The following FZR1 variants were observed in gnomAD, a reference collection of about 807,000 sequenced individuals.
The protein encoded by FZR1 is fizzy and cell division cycle 20 related 1.
FZR1 carries 11 observed loss-of-function variants against 63.6 expected under a neutral mutation model. The observed-to-expected ratio is 0.17, with a 90% confidence interval of 0.11 to 0.29. FZR1 has a LOEUF of 0.29. Ranked by LOEUF, FZR1 falls within the 10% of genes least tolerant of loss-of-function variation. FZR1 has a pLI of 1.00. For missense variants in FZR1, 440 were observed against 687.5 expected (o/e 0.64, Z 4.03); for synonymous variants, 328 against 297.9 (o/e 1.10, Z -1.04).
At position 3,537,837 on chromosome 19, in the gene FZR1, G is replaced by C. The variant is rs2030044666; in HGVS notation, c.*3001G>C. ...AGCCCAGAGACAGAGAAGCTTATGAGGAAGTGAGGAGGTGGCGTCACAAGG... is the reference window on the plus strand; with the variant it reads ...AGCCCAGAGACAGAGAAGCTTATGACGAAGTGAGGAGGTGGCGTCACAAGG... On this transcript the variant is annotated 3_prime_UTR_variant, in exon 14 of 14. Coordinates refer to ENST00000441788, the MANE Select transcript of FZR1 (RefSeq NM_016263.4). The C allele has an allele frequency of 6.6e-6, 1 of 152,592 alleles. No homozygotes were observed. Among genetic ancestry groups the C allele is most frequent in the Non-Finnish European group, 1.5e-5 (1 of 68,336 alleles). 9.5% of individuals were successfully genotyped at this position (152,592 alleles called of 1,614,324 possible). A position where few individuals can be genotyped will look rare whatever the true frequency, so the allele number is the denominator to read the frequency against.
rs144069005 is a variant in FZR1 at position 3,531,662 on chromosome 19, A to G, written c.721-52A>G. ...GCGCGACCAACGCCAGGACGGGCACAGTCCCCGGGCCAGACCTGACACCGG... is the reference window on the plus strand; with the variant it reads ...GCGCGACCAACGCCAGGACGGGCACGGTCCCCGGGCCAGACCTGACACCGG... On this transcript the variant is annotated intron_variant, in intron 8 of 13. Coordinates refer to ENST00000441788, the MANE Select transcript of FZR1 (RefSeq NM_016263.4). The G allele has an allele frequency of 4.3e-4, 562 of 1,311,890 alleles. 1 individual carries two copies. The African/African-American group carries it at 6.9e-3, about 16-fold the overall frequency. The allele number at this position is 1,311,890 out of a possible 1,614,324, so 81.3% of individuals were successfully genotyped here.
chr19:3,534,285 C>T, intron 12 of FZR1, 136 bp from the exon 13 acceptor site: 1 of 557,096 alleles, frequency 1.8e-6, no homozygotes. Context: ...TGGCCCCAGC[C>T]TGCCCCTCCC....
intron 1 of FZR1, among the ~76,000 whole-genome samples, chr19:3,512,957 G>C (rs1024233279): frequency 5.3e-5 from 8 of 152,198 alleles, no homozygotes; most frequent in Admixed American, 4.6e-4. Flanking sequence ...CCATTTTTTT[G>C]TGGGGGGTCT....
At position 3,535,012 on chromosome 19, in the gene FZR1, T is replaced by G. The variant is rs1415908568; in HGVS notation, c.*176T>G. 6.5e-6 allele frequency: 4 copies of G among 617,450 alleles called. No homozygotes were observed. The highest frequency in any genetic ancestry group is 1.2e-5 in the Non-Finnish European group (4 of 344,230). 38.2% of individuals were successfully genotyped at this position (617,450 alleles called of 1,614,324 possible). A position where few individuals can be genotyped will look rare whatever the true frequency, so the allele number is the denominator to read the frequency against. Reference sequence around the variant, plus strand: ...ATTAAATGCCTGATTGTGAACCATGTCCACCAGTATCTGGGGTGGGCACGT... The same window carrying G: ...ATTAAATGCCTGATTGTGAACCATGGCCACCAGTATCTGGGGTGGGCACGT... On this transcript the variant is annotated 3_prime_UTR_variant, in exon 14 of 14. Transcript: ENST00000441788.
In FZR1 at chr19:3,533,225, G is replaced by GC. The variant is rs1555694426; in HGVS notation, c.1243-69_1243-68insC. 3.7e-5 allele frequency: 35 copies of GC among 951,130 alleles called. No homozygotes were observed. The highest frequency in any genetic ancestry group is 5.3e-5 in the Non-Finnish European group (31 of 586,488). 58.9% of individuals were successfully genotyped at this position (951,130 alleles called of 1,614,324 possible). A position where few individuals can be genotyped will look rare whatever the true frequency, so the allele number is the denominator to read the frequency against. ...CTCACATGGGCTCAGGCGGGTGCAT[G>GC]TGAGGCAGCAGGCATAGCACCCGGC... On this transcript the variant is annotated intron_variant, in intron 11 of 13. Transcript: ENST00000441788. The surrounding 1 kb of genome is among the most constrained non-coding windows in gnomAD (Gnocchi z 4.9).
At chr19:3,507,364 A>C (rs1212960971) in intron 1 of FZR1, among the ~76,000 whole-genome samples, 1 of 146,532 alleles carries the variant, frequency 6.8e-6, no homozygotes, top group Non-Finnish European at 1.5e-5. Flanking sequence ...ACCCCTACTC[A>C]AACCTGTGAC....
At chr19:3,524,530 G>T (rs2083133531) in intron 2 of FZR1, among the ~76,000 whole-genome samples, 1 of 152,240 alleles carries the variant, frequency 6.6e-6, no homozygotes, top group South Asian at 2.1e-4. Context: ...TGCGTCACAG[G>T]CTGGGGGCAG....
chr19:3,525,686 C>T lies in FZR1; in HGVS notation c.70-182C>T, dbSNP rs2083149353. On this transcript the variant is annotated intron_variant, in intron 2 of 13. Coordinates refer to ENST00000441788, the MANE Select transcript of FZR1 (RefSeq NM_016263.4). The surrounding 1 kb of genome is among the most constrained non-coding windows in gnomAD (Gnocchi z 4.2). Reference sequence around the variant, plus strand: ...CTTGATCTCCTGACCTCGTGATCCGCCCGCCTCGGCCTCCCAAAGTGCTGG... The same window carrying T: ...CTTGATCTCCTGACCTCGTGATCCGTCCGCCTCGGCCTCCCAAAGTGCTGG... Among the ~76,000 whole-genome samples the T allele has an allele frequency of 6.6e-6, 1 of 152,128 alleles. No homozygotes were observed. The highest frequency in any genetic ancestry group is 1.9e-4 in the East Asian group (1 of 5,184).
At chr19:3,512,314 A>G (rs1477403806) in intron 1 of FZR1, among the ~76,000 whole-genome samples, 4 of 152,172 alleles carry the variant, frequency 2.6e-5, no homozygotes, top group Non-Finnish European at 5.9e-5. Flanking sequence ...CTCACCAAGC[A>G]TCTTCTCTGG....
chr19:3,511,886 G>A (rs891940579), intron 1 of FZR1, among the ~76,000 whole-genome samples: 8 of 152,272 alleles, frequency 5.3e-5, no homozygotes, highest in South Asian at 2.1e-4. Context: ...GTCAGAGGCC[G>A]CCAGCTCAGC....
chr19:3,506,312 G>C lies in FZR1; in HGVS notation c.-197G>C, dbSNP rs1485970618. 2.0e-5 allele frequency: 3 copies of C among 150,318 alleles called. No individual in the cohort carries two copies. The highest frequency in any genetic ancestry group is 3.0e-5 in the Non-Finnish European group (2 of 67,446). 9.3% of individuals were successfully genotyped at this position (150,318 alleles called of 1,614,324 possible). A position where few individuals can be genotyped will look rare whatever the true frequency, so the allele number is the denominator to read the frequency against. On this transcript the variant is annotated 5_prime_UTR_variant, in exon 1 of 14. Coordinates refer to ENST00000441788, the MANE Select transcript of FZR1 (RefSeq NM_016263.4). ...GGCGGAGGGAGGGAGCCGGGAGGCA[G>C]CGGAGGAGCGACCGCCGCCATATTA...
chr19:3,527,544 C>T lies in FZR1; in HGVS notation c.471-87C>T, dbSNP rs2083172860. On this transcript the variant is annotated intron_variant, in intron 6 of 13. Transcript: ENST00000441788. ...GAGGGGCCGGACTGGGCTCCTGGGGCTGGCAGGGAAGGAGACACTTCCCAA... is the reference window on the plus strand; with the variant it reads ...GAGGGGCCGGACTGGGCTCCTGGGGTTGGCAGGGAAGGAGACACTTCCCAA... 9.4e-6 allele frequency: 10 copies of T among 1,066,078 alleles called. No individual in the cohort carries two copies. In the East Asian group the frequency reaches 2.6e-4, roughly 27 times the overall value. 66.0% of individuals were successfully genotyped at this position (1,066,078 alleles called of 1,614,324 possible). A position where few individuals can be genotyped will look rare whatever the true frequency, so the allele number is the denominator to read the frequency against.
chr19:3,532,797 G>C, intron 11 of FZR1, 147 bp downstream of exon 11: 3 of 659,822 alleles, frequency 4.5e-6, no homozygotes, highest in Non-Finnish European at 8.0e-6. Context: ...GGGGAGGCAG[G>C]GAGTTGTGGG....
Position 3,533,615 on chromosome 19 carries a change from CCT to C in FZR1, c.1347+218_1347+219del, listed in dbSNP as rs1369534839. On this transcript the variant is annotated intron_variant, in intron 12 of 13. Coordinates refer to ENST00000441788, the MANE Select transcript of FZR1 (RefSeq NM_016263.4). The surrounding 1 kb of genome is among the most constrained non-coding windows in gnomAD (Gnocchi z 4.9). ...ACTCCCCAGCCCTGCAGGTGCAGGC[CCT>C]GTCCTCCTGGAGGACCTTAGCTTCT... 1 of 553,310 alleles carries C rather than the reference CCT, an allele frequency of 1.8e-6. No homozygotes were observed. Among genetic ancestry groups the C allele is most frequent in the African/African-American group, 1.9e-5 (1 of 52,592 alleles). The allele number at this position is 553,310 out of a possible 1,614,324, so 34.3% of individuals were successfully genotyped here. A position where few individuals can be genotyped will look rare whatever the true frequency, so the allele number is the denominator to read the frequency against.
rs1195502723 is a variant in FZR1 at position 3,525,915 on chromosome 19, C to G, written c.117C>G (p.Ser39=). ...TGACGCCTGCCAGCTCCCCAGTGTC[C>G]TCGCCCAGCAAGCACGGAGACCGCT... The part of the protein sequence containing the change: ...RTLTPASSPV[S]SPSKHGDRFI... Residue 39 remains serine, a synonymous_variant, in exon 3 of 14, where the codon TCC becomes TCG. Transcript: ENST00000441788. This position sits in a 1 kb window ranked among gnomAD's most constrained non-coding sequence, Gnocchi z 4.2. 4.3e-6 allele frequency: 7 copies of G among 1,612,400 alleles called. No homozygotes were observed. The South Asian group carries it at 7.7e-5, about 18-fold the overall frequency.
Position 3,528,713 on chromosome 19 carries a change from A to G in FZR1, c.654+899A>G, listed in dbSNP as rs897290001. On this transcript the variant is annotated intron_variant, in intron 7 of 13. Coordinates refer to ENST00000441788, the MANE Select transcript of FZR1 (RefSeq NM_016263.4). ...CGGATGAGAGAGTGGATGGGTGAGC[A>G]GATTAGGGAGTGGATGGGTGAGTGG... Among the ~76,000 whole-genome samples the G allele has an allele frequency of 4.2e-3, 374 of 90,016 alleles. 18 individuals carry two copies. In the South Asian group the frequency reaches 0.11, roughly 25 times the overall value. The allele number at this position is 90,016 out of a possible 152,430, so 59.1% of individuals were successfully genotyped here. A position where few individuals can be genotyped will look rare whatever the true frequency, so the allele number is the denominator to read the frequency against.
At position 3,533,371 on chromosome 19, in the gene FZR1, C is replaced by T. The variant is rs756473574; in HGVS notation, c.1320C>T (p.Thr440=). The T allele has an allele frequency of 1.1e-5, 17 of 1,611,558 alleles. No individual in the cohort carries two copies. Among genetic ancestry groups the T allele is most frequent in the Admixed American group, 3.3e-5 (2 of 60,004 alleles). ...YPSLTQVAKL[T]GHSYRVLYLA... ...CCCTGACCCAGGTGGCCAAGCTGAC[C>T]GGGCACTCCTACCGCGTGCTGTACC... The change falls in exon 12 of 14, where the codon ACC becomes ACT. Residue 440 remains threonine, a synonymous_variant. Coordinates refer to ENST00000441788, the MANE Select transcript of FZR1 (RefSeq NM_016263.4). The surrounding 1 kb of genome is among the most constrained non-coding windows in gnomAD (Gnocchi z 4.9).
chr19:3,530,362 G>A lies in FZR1; in HGVS notation c.655-430G>A, dbSNP rs192047727. On this transcript the variant is annotated intron_variant, in intron 7 of 13. Transcript: ENST00000441788. Reference sequence around the variant, plus strand: ...TGGATGGTTGAGCAGAAGGGAGAGCGGATGGGAGAGCGGATGGGTGAGCAG... The same window carrying A: ...TGGATGGTTGAGCAGAAGGGAGAGCAGATGGGAGAGCGGATGGGTGAGCAG... Among the ~76,000 whole-genome samples the A allele has an allele frequency of 5.7e-4, 76 of 134,250 alleles. 3 individuals are homozygous for A. The highest frequency in any genetic ancestry group is 1.0e-3 in the Non-Finnish European group (65 of 62,630). 88.1% of individuals were successfully genotyped at this position (134,250 alleles called of 152,430 possible).
chr19:3,531,871 G>A (rs754823680), intron 9 of FZR1, 40 bp from the exon 10 acceptor site: 142 of 1,565,002 alleles, frequency 9.1e-5, no homozygotes, highest in Non-Finnish European at 1.2e-4. Context: ...AGCTCCGCGA[G>A]GGCAGGAGAG....
Sources: allele counts gnomAD v4.1 joint callset (sites outside exome capture counted in the v4.1 genomes callset), GRCh38; gene constraint gnomAD v4.1.1; non-coding constraint Gnocchi (gnomAD v3.1); transcripts MANE v1.5; gene names NCBI Gene and HGNC (gene_info 2026-07-23, HGNC 2026-07-21).